PRKG1: variants seen among roughly 807,000 people sequenced by gnomAD.
PRKG1 encodes cGMP-dependent protein kinase 1.
Under a neutral mutation model 88.1 loss-of-function variants are expected in PRKG1, and 35 were observed. The ratio of observed to expected loss-of-function variants is 0.40; its 90% CI spans 0.30 to 0.53. The LOEUF is 0.53. PRKG1 is among the 20% of genes least tolerant of loss of function. The pLI, the probability that PRKG1 is intolerant of heterozygous loss-of-function variation, is 0.59. For synonymous variants in PRKG1, 303 were observed against 292.5 expected (o/e 1.04, Z -0.37); for missense variants, 540 against 839.8 (o/e 0.64, Z 4.41).
At chr10:51,690,699 G>T (rs1414316809) in intron 3 of PRKG1, among the ~76,000 whole-genome samples, 1 of 151,986 alleles carries the variant, frequency 6.6e-6, no homozygotes, top group African/African-American at 2.4e-5. Flanking sequence ...AGGCCGAGGA[G>T]GGTGGATAAG....
At chr10:52,218,225 A>AG (rs1840160363) in intron 9 of PRKG1, among the ~76,000 whole-genome samples, 1 of 151,250 alleles carries the variant, frequency 6.6e-6, no homozygotes, top group Admixed American at 6.6e-5. Context: ...AAAAAAAAAA[A>AG]AGAAAAATAG....
At chr10:51,316,861 T>G (rs1841335132) in intron 2 of PRKG1, among the ~76,000 whole-genome samples, 1 of 152,174 alleles carries the variant, frequency 6.6e-6, no homozygotes, top group Admixed American at 6.6e-5. Flanking sequence ...ATGACATGGC[T>G]TTTTTATTCT....
intron 5 of PRKG1, among the ~76,000 whole-genome samples, chr10:52,027,244 A>G (rs1845365309): frequency 6.6e-6 from 1 of 152,174 alleles, no homozygotes; most frequent in Non-Finnish European, 1.5e-5. Flanking sequence ...GATAGCGACA[A>G]CAGCAACCAC....
At chr10:51,649,640 C>T (rs969719797) in intron 3 of PRKG1, among the ~76,000 whole-genome samples, 1 of 152,114 alleles carries the variant, frequency 6.6e-6, no homozygotes, top group African/African-American at 2.4e-5. Context: ...ACAAAATGCT[C>T]AGCGAAGCAA....
intron 1 of PRKG1, among the ~76,000 whole-genome samples, chr10:51,149,904 G>A (rs1290277431): frequency 6.6e-6 from 1 of 151,960 alleles, no homozygotes. Flanking sequence ...CAGAATACCA[G>A]CATATCATTA....
At chr10:51,471,087 G>A (rs969163607) in intron 3 of PRKG1, among the ~76,000 whole-genome samples, 9 of 151,804 alleles carry the variant, frequency 5.9e-5, no homozygotes, top group African/African-American at 2.2e-4. Flanking sequence ...CCTGAGGAAT[G>A]AAGAAATAAA....
At chr10:52,026,482 T>C (rs1390839510) in intron 5 of PRKG1, among the ~76,000 whole-genome samples, 1 of 152,168 alleles carries the variant, frequency 6.6e-6, no homozygotes, top group Admixed American at 6.5e-5. Context: ...TGATTCCATT[T>C]ATAAGAGATG....
At chr10:52,077,158 A>G (rs939265384) in intron 7 of PRKG1, among the ~76,000 whole-genome samples, 1 of 152,198 alleles carries the variant, frequency 6.6e-6, no homozygotes, top group Non-Finnish European at 1.5e-5. Context: ...AACAACAGAA[A>G]TGTGCATCAA....
intron 2 of PRKG1, among the ~76,000 whole-genome samples, chr10:51,307,972 T>C (rs564062195): frequency 1.6e-4 from 25 of 152,222 alleles, no homozygotes; most frequent in Non-Finnish European, 3.5e-4. Flanking sequence ...ATTATGTCTA[T>C]TGAGCTCCAC....
chr10:51,843,093 CTT>C (rs1167219822), intron 4 of PRKG1, among the ~76,000 whole-genome samples: 9 of 87,908 alleles, frequency 1.0e-4, no homozygotes, highest in East Asian at 3.4e-4. Flanking sequence ...GAAAATTATT[CTT>C]TTTTTTTTTT....
In PRKG1 at chr10:51,922,381, G is replaced by A. The variant is rs150124629; in HGVS notation, c.762+14811G>A. ...TGTAGATTTTCTCTACTGTGTTTTTGTTTTCAGTTTCATTGATATCTGACT... is the reference window on the plus strand; with the variant it reads ...TGTAGATTTTCTCTACTGTGTTTTTATTTTCAGTTTCATTGATATCTGACT... On this transcript the variant is annotated intron_variant, in intron 5 of 17. Transcript: ENST00000373980. 7.5e-3 allele frequency among the ~76,000 whole-genome samples: 1,137 copies of A among 150,974 alleles called. 14 individuals are homozygous for A. Among genetic ancestry groups the A allele is most frequent in the African/African-American group, 0.026 (1,064 of 41,290 alleles).
chr10:51,767,694 A>G (rs1010529267), intron 3 of PRKG1, among the ~76,000 whole-genome samples: 1 of 152,204 alleles, frequency 6.6e-6, no homozygotes, highest in South Asian at 2.1e-4. Context: ...TGAAAGCTTC[A>G]GCATATGAAA....
At chr10:51,485,231 C>T (rs1840495233) in intron 3 of PRKG1, among the ~76,000 whole-genome samples, 1 of 152,108 alleles carries the variant, frequency 6.6e-6, no homozygotes, top group South Asian at 2.1e-4. Context: ...ATCCTCTTTA[C>T]ATTCTTGGTT....
intron 3 of PRKG1, among the ~76,000 whole-genome samples, chr10:51,482,529 T>C (rs888204323): frequency 2.0e-5 from 3 of 152,152 alleles, no homozygotes; most frequent in Admixed American, 1.3e-4. Flanking sequence ...CCCTTTCCCT[T>C]GAAGGGTAAC....
intron 9 of PRKG1, among the ~76,000 whole-genome samples, chr10:52,236,140 C>A: frequency 3.6e-5 from 1 of 28,074 alleles, no homozygotes; most frequent in Non-Finnish European, 6.5e-5. Flanking sequence ...CACAACATAC[C>A]AGAATCTCTG....
chr10:51,545,705 G>GT (rs1281012630), intron 3 of PRKG1, among the ~76,000 whole-genome samples: 1 of 152,072 alleles, frequency 6.6e-6, no homozygotes. Context: ...CATTTCCCCA[G>GT]TGTATGTACA....
intron 2 of PRKG1, among the ~76,000 whole-genome samples, chr10:51,297,291 C>A (rs1840745844): frequency 6.6e-6 from 1 of 152,002 alleles, no homozygotes; most frequent in South Asian, 2.1e-4. Flanking sequence ...AGGGGACATA[C>A]CACTTCTAGA....
intron 3 of PRKG1, among the ~76,000 whole-genome samples, chr10:51,652,111 A>G (rs1457146381): frequency 6.6e-6 from 1 of 152,188 alleles, no homozygotes; most frequent in African/African-American, 2.4e-5. Flanking sequence ...TTTAAGAGAT[A>G]TCTTCTTCTG....
chr10:51,584,923 A>T (rs1344899800), intron 3 of PRKG1, among the ~76,000 whole-genome samples: 1 of 152,092 alleles, frequency 6.6e-6, no homozygotes, highest in Admixed American at 6.6e-5. Context: ...GAATTACTGT[A>T]GGTGTTTTGA....
Sources: gnomAD v4.1 joint callset for allele counts (sites outside exome capture counted in the v4.1 genomes callset) on GRCh38, gnomAD v4.1.1 for gene constraint, MANE v1.5 for transcripts, NCBI Gene and HGNC (gene_info 2026-07-23, HGNC 2026-07-21) for gene names.